Variants in CHSY3 observed in about 807,000 individuals in gnomAD.
CHSY3 encodes N-acetylgalactosaminyl-proteoglycan 3-beta-glucuronosyltransferase 3.
Under a neutral mutation model 67.2 loss-of-function variants are expected in CHSY3, and 35 were observed. The observed-to-expected ratio is 0.52, with a 90% CI of 0.40 to 0.69. The LOEUF (loss-of-function observed/expected upper bound fraction) is 0.69. Among genes scored for constraint, CHSY3 ranks in the 30% least tolerant of loss-of-function variants. The probability of loss-of-function intolerance (pLI) is 0.00; values close to 1 mark genes in which losing one functional copy is unlikely to be tolerated. For missense variants in CHSY3, 1,069 were observed against 1,138.5 expected, an observed-to-expected ratio of 0.94 and a Z score of 0.88; for synonymous variants, 474 against 434.7, an observed-to-expected ratio of 1.09 and a Z score of -1.12.
At chr5:130,015,428 A>G (rs1342031498) in intron 2 of CHSY3, among the ~76,000 whole-genome samples, 1 of 152,244 alleles carries the variant, frequency 6.6e-6, no homozygotes, top group Non-Finnish European at 1.5e-5. Context: ...GGCAAAGGAC[A>G]TGAACAGACA....
At chr5:130,091,940 G>A (rs1766893643) in intron 2 of CHSY3, among the ~76,000 whole-genome samples, 1 of 152,160 alleles carries the variant, frequency 6.6e-6, no homozygotes, top group Admixed American at 6.5e-5. Context: ...GCCCAAGTGA[G>A]ATCACCTACA....
At chr5:130,125,070 C>T (rs576092213) in intron 2 of CHSY3, among the ~76,000 whole-genome samples, 4 of 152,166 alleles carry the variant, frequency 2.6e-5, no homozygotes, top group South Asian at 2.1e-4. Flanking sequence ...TGCTTGAGCT[C>T]GGGAGTTCTC....
intron 2 of CHSY3, among the ~76,000 whole-genome samples, chr5:129,932,118 A>G (rs1434413504): frequency 3.7e-4 from 10 of 27,078 alleles, no homozygotes; most frequent in African/African-American, 7.5e-4. Context: ...ATATATATAT[A>G]TATATATATA....
At chr5:130,163,833 A>G (rs1044999351) in intron 2 of CHSY3, among the ~76,000 whole-genome samples, 1 of 152,150 alleles carries the variant, frequency 6.6e-6, no homozygotes, top group African/African-American at 2.4e-5. Context: ...ACTATGTGAT[A>G]TATTGAGCTC....
chr5:129,987,606 A>G (rs146051383), intron 2 of CHSY3, among the ~76,000 whole-genome samples: 333 of 152,318 alleles, frequency 2.2e-3, no homozygotes, highest in African/African-American at 4.7e-3. Flanking sequence ...ATTCAGAGAT[A>G]CTAGAGCTTT....
At chr5:130,044,013 C>T (rs573234433) in intron 2 of CHSY3, among the ~76,000 whole-genome samples, 4 of 152,004 alleles carry the variant, frequency 2.6e-5, no homozygotes, top group East Asian at 1.9e-4. Flanking sequence ...GGCACACAGC[C>T]GAATGGAGTC....
chr5:130,122,027 T>A (rs892123334), intron 2 of CHSY3, among the ~76,000 whole-genome samples: 1 of 152,216 alleles, frequency 6.6e-6, no homozygotes, highest in African/African-American at 2.4e-5. Flanking sequence ...CGAGGCAATA[T>A]GAGTGAGTAC....
At chr5:129,953,737 T>C (rs1340241150) in intron 2 of CHSY3, among the ~76,000 whole-genome samples, 2 of 152,228 alleles carry the variant, frequency 1.3e-5, no homozygotes. Flanking sequence ...CCAGTGATGA[T>C]GAGCTTTTTT....
At chr5:129,962,047 A>G (rs1762338860) in intron 2 of CHSY3, among the ~76,000 whole-genome samples, 1 of 151,904 alleles carries the variant, frequency 6.6e-6, no homozygotes, top group South Asian at 2.1e-4. Flanking sequence ...TACTCATCTC[A>G]TACCAATCCC....
chr5:130,076,378 C>A (rs1426024220), intron 2 of CHSY3, among the ~76,000 whole-genome samples: 1 of 150,232 alleles, frequency 6.7e-6, no homozygotes, highest in Non-Finnish European at 1.5e-5. Flanking sequence ...TTATCACATT[C>A]TATGCCACAT....
In CHSY3 at chr5:129,951,133, C is replaced by T. The variant is rs891241271; in HGVS notation, c.1086+42773C>T. On this transcript the variant is annotated intron_variant, in intron 2 of 2. Coordinates refer to ENST00000305031, the MANE Select transcript of CHSY3 (RefSeq NM_175856.5). ...CTTTGACAAAGACACAAAAAATACACGATGGGGAAAGCAGAGCCTCTTTAA... is the reference window on the plus strand; with the variant it reads ...CTTTGACAAAGACACAAAAAATACATGATGGGGAAAGCAGAGCCTCTTTAA... 5.9e-5 allele frequency among the ~76,000 whole-genome samples: 9 copies of T among 152,108 alleles called. No homozygotes were observed. The East Asian group carries it at 7.7e-4, about 13-fold the overall frequency.
chr5:130,113,503 A>G (rs1411787361), intron 2 of CHSY3, among the ~76,000 whole-genome samples: 2 of 152,320 alleles, frequency 1.3e-5, no homozygotes, highest in African/African-American at 2.4e-5. Context: ...TGTTTGTGTT[A>G]TAGACGGGAA....
At chr5:130,178,203 A>T (rs6595942) in intron 2 of CHSY3, among the ~76,000 whole-genome samples, 86,424 of 109,618 alleles carry the variant, frequency 0.79, 33,515 homozygotes, top group South Asian at 0.88. Flanking sequence ...ATATATATTT[A>T]TATATATATG....
chr5:130,073,423 G>A (rs956227616), intron 2 of CHSY3, among the ~76,000 whole-genome samples: 1 of 151,924 alleles, frequency 6.6e-6, no homozygotes, highest in African/African-American at 2.4e-5. Flanking sequence ...GAGTGGCTGG[G>A]ATTACAGGCA....
At chr5:130,084,592 T>A (rs1766550213) in intron 2 of CHSY3, among the ~76,000 whole-genome samples, 1 of 149,164 alleles carries the variant, frequency 6.7e-6, no homozygotes, top group Admixed American at 6.6e-5. Flanking sequence ...GATCTTTTAA[T>A]TAATTAATTA....
intron 2 of CHSY3, among the ~76,000 whole-genome samples, chr5:130,076,841 G>T (rs1030669295): frequency 6.7e-6 from 1 of 150,208 alleles, no homozygotes; most frequent in African/African-American, 2.4e-5. Flanking sequence ...GTAAACTATC[G>T]CAAGAACAAA....
intron 2 of CHSY3, 48 bp downstream of exon 2, chr5:129,908,408 C>A (rs1760401131): frequency 6.3e-7 from 1 of 1,587,418 alleles, no homozygotes. Flanking sequence ...CATATACATG[C>A]CATTTTATAA....
chr5:129,911,813 T>C (rs763994970), intron 2 of CHSY3, among the ~76,000 whole-genome samples: 1 of 152,130 alleles, frequency 6.6e-6, no homozygotes, highest in Non-Finnish European at 1.5e-5. Flanking sequence ...TCCCAGCACT[T>C]TGGGAGGCTG....
chr5:130,082,370 T>A lies in CHSY3; in HGVS notation c.1087-101859T>A, dbSNP rs567000065. ...TCATAGAAAAATTAATACAAGGGAT[T>A]CTGAAATAACAAATTTGAGAAGCAG... On this transcript the variant is annotated intron_variant, in intron 2 of 2. Transcript: ENST00000305031. Among the ~76,000 whole-genome samples the A allele has an allele frequency of 1.5e-3, 228 of 152,192 alleles. 1 individual carries two copies. The highest frequency in any genetic ancestry group is 2.6e-3 in the Non-Finnish European group (174 of 67,984).
Sources: allele counts gnomAD v4.1 joint callset (sites outside exome capture counted in the v4.1 genomes callset), GRCh38; gene constraint gnomAD v4.1.1; transcripts MANE v1.5; gene names NCBI Gene and HGNC (gene_info 2026-07-23, HGNC 2026-07-21).